Variants in UBE2G1 observed in about 807,000 individuals in gnomAD.
UBE2G1 encodes ubiquitin conjugating enzyme E2 G1.
In UBE2G1, 5 loss-of-function variants were observed where a neutral mutation model predicts 22.7. That is an observed-to-expected ratio of 0.22 (90% CI 0.12 to 0.46). The LOEUF is 0.46. UBE2G1 is among the 20% of genes least tolerant of loss of function. The pLI is 0.99. For synonymous variants in UBE2G1, 74 were observed against 67.5 expected, an observed-to-expected ratio of 1.10 and a Z score of -0.47; for missense variants, 88 against 203.9, an observed-to-expected ratio of 0.43 and a Z score of 3.46.
rs1241574629 is a variant in UBE2G1 at position 4,282,930 on chromosome 17, TA to T, written c.427-10del. The T allele has an allele frequency of 3.2e-5, 51 of 1,608,542 alleles. No homozygotes were observed. Among genetic ancestry groups the T allele is most frequent in the Non-Finnish European group, 4.2e-5 (49 of 1,176,828 alleles). Reference sequence around the variant, plus strand: ...TCTTCCCTCCATTCTTTCTGTAGATTAAAAAAGCAGTATCAAGTGATTTCAT... The same window carrying T: ...TCTTCCCTCCATTCTTTCTGTAGATTAAAAAGCAGTATCAAGTGATTTCAT... On this transcript the variant is annotated splice_polypyrimidine_tract_variant and intron_variant, in intron 4 of 5. Transcript: ENST00000396981.
At chr17:4,336,697 T>C (rs1215318470) in intron 1 of UBE2G1, among the ~76,000 whole-genome samples, 1 of 152,098 alleles carries the variant, frequency 6.6e-6, no homozygotes, top group African/African-American at 2.4e-5. Context: ...CAGCTAATTT[T>C]TGTATTTTTA....
At chr17:4,354,452 A>G (rs1336050623) in intron 1 of UBE2G1, among the ~76,000 whole-genome samples, 1 of 152,118 alleles carries the variant, frequency 6.6e-6, no homozygotes, top group Non-Finnish European at 1.5e-5. Flanking sequence ...CAAATTATGC[A>G]TGTGTGCTTT....
chr17:4,332,417 C>G (rs1163456604), intron 1 of UBE2G1, among the ~76,000 whole-genome samples: 1 of 152,172 alleles, frequency 6.6e-6, no homozygotes, highest in Non-Finnish European at 1.5e-5. Flanking sequence ...TGCTGGGGTA[C>G]TATGGAAAAT....
intron 2 of UBE2G1, among the ~76,000 whole-genome samples, 176 bp downstream of exon 2, chr17:4,306,845 T>C (rs548960854): frequency 4.5e-4 from 68 of 152,224 alleles, no homozygotes; most frequent in Non-Finnish European, 7.9e-4. Context: ...AGAGATGGGG[T>C]TTCACTACAT....
chr17:4,366,386 G>A lies in UBE2G1; in HGVS notation c.-70C>T. 4 of 1,392,302 alleles carry A rather than the reference G, an allele frequency of 2.9e-6. No individual in the cohort carries two copies. The South Asian group carries it at 4.8e-5, about 17-fold the overall frequency. The allele number at this position is 1,392,302 out of a possible 1,614,324, so 86.2% of individuals were successfully genotyped here. ...CTGGGGACAGGCTCTGGGGGCGGCT[G>A]GAGCGGGGTGTGCCGAGGAACCCGG... On this transcript the variant is annotated 5_prime_UTR_variant, in exon 1 of 6. Transcript: ENST00000396981.
chr17:4,345,768 T>C (rs1038326474), intron 1 of UBE2G1: 1 of 152,238 alleles, frequency 6.6e-6, no homozygotes, highest in East Asian at 1.9e-4. Flanking sequence ...AGGGAAGGTC[T>C]CTTGTTGATC....
chr17:4,279,359 C>A (rs568894380), intron 5 of UBE2G1, among the ~76,000 whole-genome samples: 1 of 151,596 alleles, frequency 6.6e-6, no homozygotes, highest in African/African-American at 2.4e-5. Context: ...ATAACAGGCA[C>A]TGTGTACCAG....
chr17:4,277,747 G>C (rs1968837578), intron 5 of UBE2G1, among the ~76,000 whole-genome samples: 1 of 152,072 alleles, frequency 6.6e-6, no homozygotes, highest in Admixed American at 6.6e-5. Flanking sequence ...AGTGTTTATA[G>C]TGAGTTTTCG....
At chr17:4,352,330 A>C (rs967911875) in intron 1 of UBE2G1, among the ~76,000 whole-genome samples, 1 of 152,086 alleles carries the variant, frequency 6.6e-6, no homozygotes, top group African/African-American at 2.4e-5. Flanking sequence ...CCCGGGCTCA[A>C]GCGATCCTCC....
intron 1 of UBE2G1, among the ~76,000 whole-genome samples, chr17:4,314,205 G>C (rs8073862): frequency 0.34 from 51,699 of 151,926 alleles, 8,969 homozygotes; most frequent in African/African-American, 0.39. Context: ...GCTCTTCAGA[G>C]AAATGGCTGA....
chr17:4,366,319 T>A lies in UBE2G1; in HGVS notation c.-3A>T. ...AGTGCCGACTGCAGCTCCGTCATCC[T>A]CCCTGCCGAGGGCCCGGGCTGGCGC... On this transcript the variant is annotated 5_prime_UTR_variant, in exon 1 of 6. Transcript: ENST00000396981. The A allele has an allele frequency of 6.5e-7, 1 of 1,544,462 alleles. No individual in the cohort carries two copies. Among genetic ancestry groups the A allele is most frequent in the South Asian group, 1.2e-5 (1 of 85,574 alleles).
intron 1 of UBE2G1, among the ~76,000 whole-genome samples, chr17:4,328,031 G>C (rs1327640866): frequency 6.6e-6 from 1 of 152,160 alleles, no homozygotes; most frequent in Admixed American, 6.5e-5. Context: ...CATGTGCAGT[G>C]CAAGTAGACC....
At chr17:4,279,946 C>G (rs552128535) in intron 5 of UBE2G1, among the ~76,000 whole-genome samples, 1 of 151,714 alleles carries the variant, frequency 6.6e-6, no homozygotes, top group Admixed American at 6.6e-5. Context: ...GAGAAAACCT[C>G]AATGGTCAAA....
chr17:4,324,403 T>C (rs762017995), intron 1 of UBE2G1, among the ~76,000 whole-genome samples: 1 of 152,208 alleles, frequency 6.6e-6, no homozygotes, highest in Non-Finnish European at 1.5e-5. Context: ...AAATTATATT[T>C]TGGGTATATT....
In UBE2G1 at chr17:4,296,757, A is replaced by C. The variant is rs1027484769; in HGVS notation, c.207T>G (p.Pro69=). ...TTTCTGTAATGAATTTCATTTTAGG[A>C]GGTCGGAGGGGATAATCTTTTGGGA... ...LTFPKDYPLR[P]PKMKFITEIW... The change falls in exon 3 of 6, where the codon CCT becomes CCG. Residue 69 remains proline (P), a synonymous_variant. Transcript: ENST00000396981. 1 of 1,613,876 alleles carries C rather than the reference A, an allele frequency of 6.2e-7. No homozygotes were observed. The highest frequency in any genetic ancestry group is 8.5e-7 in the Non-Finnish European group (1 of 1,179,924).
intron 3 of UBE2G1, among the ~76,000 whole-genome samples, chr17:4,293,680 G>A (rs1260304833): frequency 6.6e-6 from 1 of 152,078 alleles, no homozygotes; most frequent in Non-Finnish European, 1.5e-5. Context: ...ATTGACATTT[G>A]TTATTATCTT....
chr17:4,358,461 T>A (rs1477191578), intron 1 of UBE2G1, among the ~76,000 whole-genome samples: 3 of 152,204 alleles, frequency 2.0e-5, no homozygotes, highest in Non-Finnish European at 4.4e-5. Flanking sequence ...ATTGACTTTT[T>A]TTTTTTAAAC....
chr17:4,282,727 A>G (rs977257001), intron 5 of UBE2G1, 71 bp downstream of exon 5: 3 of 995,516 alleles, frequency 3.0e-6, no homozygotes, highest in African/African-American at 3.3e-5. Flanking sequence ...AAATACCCAA[A>G]TCACACAATT....
intron 5 of UBE2G1, among the ~76,000 whole-genome samples, chr17:4,279,594 A>C (rs1172717005): frequency 6.6e-6 from 1 of 152,120 alleles, no homozygotes; most frequent in Non-Finnish European, 1.5e-5. Flanking sequence ...GGAAAAGACT[A>C]ATCAATTCAC....
Sources: gnomAD v4.1 joint callset for allele counts (sites outside exome capture counted in the v4.1 genomes callset) on GRCh38, gnomAD v4.1.1 for gene constraint, MANE v1.5 for transcripts, NCBI Gene and HGNC (gene_info 2026-07-23, HGNC 2026-07-21) for gene names.